The following ANK2 variants were observed in gnomAD, a reference collection of about 807,000 sequenced individuals.
The protein encoded by ANK2 is ankyrin-2.
A neutral mutation model predicts 360.5 loss-of-function variants in ANK2; 83 were observed. The observed-to-expected ratio is 0.23, with a 90% CI of 0.19 to 0.28. The LOEUF (loss-of-function observed/expected upper bound fraction) is 0.28, where lower values mean the gene tolerates loss of function less well. Ranked by LOEUF, ANK2 falls within the 10% of genes least tolerant of loss-of-function variation. The pLI, the probability that ANK2 is intolerant of heterozygous loss-of-function variation, is 1.00. For missense variants in ANK2, 4,201 were observed against 4,795.7 expected (o/e 0.88, Z 3.66); for synonymous variants, 1,740 against 1,759.5 (o/e 0.99, Z 0.28).
At chr4:113,030,617 T>C (rs2060198036) in intron 2 of ANK2, among the ~76,000 whole-genome samples, 1 of 152,006 alleles carries the variant, frequency 6.6e-6, no homozygotes, top group Non-Finnish European at 1.5e-5. Flanking sequence ...CAGGAGGAAA[T>C]CTGTTACAAG....
intron 2 of ANK2, among the ~76,000 whole-genome samples, chr4:113,012,429 A>G (rs1579003126): frequency 1.3e-5 from 2 of 152,268 alleles, no homozygotes; most frequent in Non-Finnish European, 2.9e-5. Context: ...CTTTCAGAGA[A>G]TAAGCTCCAT....
rs565218126 is a variant in ANK2 at position 113,237,628 on chromosome 4, G to A, written c.693+6G>A. ...TGGTGAATAGGACAACTGAGGTACA[G>A]TATTGTGGTTATACCAAAATTTACC... On this transcript the variant is annotated splice_donor_region_variant and intron_variant, in intron 7 of 45. Coordinates refer to ENST00000357077, the MANE Select transcript of ANK2 (RefSeq NM_001148.6). The A allele has an allele frequency of 1.7e-5, 27 of 1,607,010 alleles. No homozygotes were observed. The South Asian group carries it at 3.0e-4, about 18-fold the overall frequency.
intron 22 of ANK2, among the ~76,000 whole-genome samples, chr4:113,299,992 TTGAATACCACTAATAC>T (rs1261424854): frequency 1.3e-5 from 2 of 152,116 alleles, no homozygotes; most frequent in African/African-American, 4.8e-5. Context: ...GTAGCTATAG[TTGAATACCACTAATAC>T]AGAATATGGG....
At chr4:113,186,089 C>G (rs1235946175) in intron 2 of ANK2, among the ~76,000 whole-genome samples, 6 of 152,194 alleles carry the variant, frequency 3.9e-5, no homozygotes, top group Non-Finnish European at 8.8e-5. Context: ...GTCCCTGACT[C>G]CCATGCCTCT....
Position 113,356,462 on chromosome 4 carries a change from C to A in ANK2, c.7844C>A (p.Pro2615His), listed in dbSNP as rs786205571. 1 of 1,614,040 alleles carries A rather than the reference C, an allele frequency of 6.2e-7. No individual in the cohort carries two copies. Among genetic ancestry groups the A allele is most frequent in the African/African-American group, 1.3e-5 (1 of 75,010 alleles). ...AKQKRDYKKE[P>H]KQEESSSSSD... ...CAGAAAAGGGACTACAAAAAAGAAC[C>A]CAAACAAGAAGAATCTTCTTCATCT... is the stretch of plus-strand genomic sequence containing the variant. Residue 2615 changes from proline (P) to histidine (H), a missense_variant, in exon 38 of 46, where the codon CCC (proline) becomes CAC (histidine). Pro to His is a moderately conservative substitution (Grantham distance 77, BLOSUM62 -2). This residue lies in a region of ANK2 where 2,642 missense variants were observed against 2,714.5 expected (regional missense o/e 0.97). Coordinates refer to ENST00000357077, the MANE Select transcript of ANK2 (RefSeq NM_001148.6).
At chr4:113,298,347 A>T (rs899442596) in intron 22 of ANK2, among the ~76,000 whole-genome samples, 1 of 152,232 alleles carries the variant, frequency 6.6e-6, no homozygotes, top group African/African-American at 2.4e-5. Context: ...GATGGAAGCT[A>T]TGGATGAGGG....
At chr4:113,372,254 G>A (rs1196402169) in intron 43 of ANK2, among the ~76,000 whole-genome samples, 1 of 152,082 alleles carries the variant, frequency 6.6e-6, no homozygotes, top group African/African-American at 2.4e-5. Flanking sequence ...TGAGCAAGCT[G>A]CTTTTTATTT....
chr4:112,925,431 G>A (rs1398382641), intron 2 of ANK2, among the ~76,000 whole-genome samples: 1 of 152,096 alleles, frequency 6.6e-6, no homozygotes, highest in African/African-American at 2.4e-5. Flanking sequence ...AAATATGCAT[G>A]TTTCCTTTTA....
intron 1 of ANK2, among the ~76,000 whole-genome samples, chr4:113,137,765 G>A (rs538357953): frequency 9.9e-5 from 15 of 152,086 alleles, no homozygotes; most frequent in Non-Finnish European, 1.9e-4. Flanking sequence ...ATCAGCATGA[G>A]TGTATTTACT....
intron 1 of ANK2, among the ~76,000 whole-genome samples, chr4:112,844,386 T>C (rs1046670832): frequency 1.3e-5 from 2 of 152,210 alleles, no homozygotes; most frequent in African/African-American, 4.8e-5. Flanking sequence ...TACTTACATG[T>C]TATCGCTTAT....
chr4:113,178,176 T>C (rs1230849468), intron 2 of ANK2, among the ~76,000 whole-genome samples: 1 of 151,950 alleles, frequency 6.6e-6, no homozygotes, highest in Non-Finnish European at 1.5e-5. Context: ...GAGGATTGCT[T>C]GAGCCCAGGA....
At position 112,881,782 on chromosome 4, in the gene ANK2, C is replaced by G. The variant is rs2076758509; in HGVS notation, c.-39-22673C>G. The stretch of plus-strand genomic sequence containing the variant: ...GATTATTCAAACTGTTCAAAATAAA[C>G]TTTTAGTTGATGTTCTTCAGTGTCT... On this transcript the variant is annotated intron_variant, in intron 1 of 30. Coordinates refer to the ANK2 transcript ENST00000503271. 3 of 788,400 alleles carry G rather than the reference C, an allele frequency of 3.8e-6. No homozygotes were observed. The South Asian group carries it at 4.3e-5, about 11-fold the overall frequency. 48.8% of individuals were successfully genotyped at this position (788,400 alleles called of 1,614,324 possible). A position where few individuals can be genotyped will look rare whatever the true frequency, so the allele number is the denominator to read the frequency against.
intron 1 of ANK2, among the ~76,000 whole-genome samples, chr4:112,821,722 G>A (rs1434457309): frequency 6.6e-6 from 1 of 150,714 alleles, no homozygotes; most frequent in Non-Finnish European, 1.5e-5. Context: ...CACATACCAC[G>A]AGAACATTTA....
rs569420260 is a variant in ANK2, at chr4:112,921,070, G to C, written c.21+16556G>C. 3.3e-3 allele frequency among the ~76,000 whole-genome samples: 226 copies of C among 67,878 alleles called. 1 individual carries two copies. The highest frequency in any genetic ancestry group is 0.012 in the African/African-American group (219 of 17,556). The allele number at this position is 67,878 out of a possible 152,430, so 44.5% of individuals were successfully genotyped here. ...TTTTTCTCTTTTTTTTTTTTTTTTTGAGGCAGGGTTTCGCTGTATTGCCCA... is the reference window on the plus strand; with the variant it reads ...TTTTTCTCTTTTTTTTTTTTTTTTTCAGGCAGGGTTTCGCTGTATTGCCCA... On this transcript the variant is annotated intron_variant, in intron 2 of 30. Transcript: ENST00000503271.
the ANK2 span, among the ~76,000 whole-genome samples, chr4:112,716,851 A>G: frequency 6.6e-6 from 1 of 152,210 alleles, no homozygotes; most frequent in African/African-American, 2.4e-5. Flanking sequence ...ACCTTACTCC[A>G]AAACAAAACA....
intron 4 of ANK2, among the ~76,000 whole-genome samples, chr4:113,218,136 A>G (rs1391722487): frequency 6.7e-6 from 1 of 149,768 alleles, no homozygotes; most frequent in Non-Finnish European, 1.5e-5. Context: ...TATAAAACCT[A>G]TTTATAACCC....
intron 2 of ANK2, among the ~76,000 whole-genome samples, chr4:113,018,450 A>G (rs993651038): frequency 6.6e-6 from 1 of 152,244 alleles, no homozygotes; most frequent in African/African-American, 2.4e-5. Context: ...AGAAAAGCCT[A>G]TGTCAATGGA....
the ANK2 span, among the ~76,000 whole-genome samples, chr4:112,781,795 G>A: frequency 6.7e-6 from 1 of 149,378 alleles, no homozygotes; most frequent in South Asian, 2.1e-4. Context: ...ATAATATTAA[G>A]AAATTGTTAA....
At chr4:112,958,603 ACCGTG>A (rs1561286806) in intron 2 of ANK2, among the ~76,000 whole-genome samples, 1 of 151,434 alleles carries the variant, frequency 6.6e-6, no homozygotes, top group Non-Finnish European at 1.5e-5. Context: ...GGAGAGGGAG[ACCGTG>A]GGGAGAGGGA....
Sources: allele counts gnomAD v4.1 joint callset (sites outside exome capture counted in the v4.1 genomes callset), GRCh38; gene constraint gnomAD v4.1.1; regional missense constraint gnomAD v4.1.1; transcripts MANE v1.5; gene names NCBI Gene and HGNC (gene_info 2026-07-23, HGNC 2026-07-21).